Variants in OSBPL10 observed in about 807,000 individuals in gnomAD.
OSBPL10 encodes oxysterol-binding protein-related protein 10.
In OSBPL10, 49 loss-of-function variants were observed where a neutral mutation model predicts 81.7. The observed-to-expected ratio is 0.60, with a 90% confidence interval of 0.48 to 0.76. OSBPL10 has a LOEUF of 0.76. Among genes scored for constraint, OSBPL10 ranks in the 30% least tolerant of loss-of-function variants. OSBPL10 has a pLI of 0.00. For missense variants in OSBPL10, 923 were observed against 987.8 expected (o/e 0.93, Z 0.88); for synonymous variants, 419 against 383.6 (o/e 1.09, Z -1.08).
At chr3:31,895,076 C>T (rs1273505025) in intron 1 of OSBPL10, among the ~76,000 whole-genome samples, 1 of 151,748 alleles carries the variant, frequency 6.6e-6, no homozygotes. Context: ...GAAAAGCTAC[C>T]TCCAAACTGC....
intron 6 of OSBPL10, chr3:31,714,527 T>C (rs529291929): frequency 6.6e-6 from 1 of 152,438 alleles, no homozygotes; most frequent in African/African-American, 2.4e-5. Context: ...CTAAACACGA[T>C]GGGCAAATAG....
At chr3:31,851,595 G>C (rs59019249) in intron 3 of OSBPL10, among the ~76,000 whole-genome samples, 3,609 of 152,290 alleles carry the variant, frequency 0.024, 184 homozygotes, top group African/African-American at 0.082. Context: ...CAAACTTCAG[G>C]CTCAAGAGAA....
At chr3:31,671,469 A>G (rs1001828426) in intron 8 of OSBPL10, among the ~76,000 whole-genome samples, 13 of 152,114 alleles carry the variant, frequency 8.5e-5, no homozygotes. Flanking sequence ...GAGATGATAT[A>G]TATAGGTGTG....
chr3:31,835,781 T>C (rs901571851), intron 3 of OSBPL10, among the ~76,000 whole-genome samples: 2 of 152,230 alleles, frequency 1.3e-5, no homozygotes, highest in Admixed American at 6.5e-5. Flanking sequence ...TATCTAAATA[T>C]GTGAAAGCTA....
Position 32,016,049 on chromosome 3 carries a change from G to C in OSBPL10, n.298+30442C>G, listed in dbSNP as rs1026675965. ...GGAAGTCAGTGTGGTGATTCCTCAG[G>C]GATCTAGAACTAGAAATACCATTTG... is the stretch of plus-strand genomic sequence containing the variant. On this transcript the variant is annotated intron_variant and non_coding_transcript_variant, in intron 2 of 3. Transcript: ENST00000479173. 3.7e-4 allele frequency among the ~76,000 whole-genome samples: 56 copies of C among 152,080 alleles called. 1 individual carries two copies. The highest frequency in any genetic ancestry group is 6.6e-4 in the Non-Finnish European group (45 of 68,020).
chr3:31,827,370 C>T (rs1002630782), intron 4 of OSBPL10, among the ~76,000 whole-genome samples: 3 of 152,112 alleles, frequency 2.0e-5, no homozygotes, highest in Non-Finnish European at 4.4e-5. Context: ...GCCGCAGTGG[C>T]TCATGCCTGT....
chr3:32,008,442 C>T (rs1699224519), intron 2 of OSBPL10, among the ~76,000 whole-genome samples: 1 of 151,580 alleles, frequency 6.6e-6, no homozygotes, highest in South Asian at 2.1e-4. Context: ...TGTGAGCCAC[C>T]GCGTCCAGCC....
At chr3:31,807,374 A>AAAAT (rs536299438) in intron 4 of OSBPL10, among the ~76,000 whole-genome samples, 10,523 of 137,354 alleles carry the variant, frequency 0.077, 468 homozygotes, top group Non-Finnish European at 0.096. Flanking sequence ...CTGTCTCAGA[A>AAAAT]AAATAAATAA....
intron 1 of OSBPL10, among the ~76,000 whole-genome samples, chr3:31,912,298 G>T (rs1015227845): frequency 3.3e-5 from 5 of 151,654 alleles, no homozygotes; most frequent in Non-Finnish European, 4.4e-5. Flanking sequence ...GGAGGCTGAG[G>T]CAGGAGAATC....
At chr3:31,797,204 A>G (rs1354253317) in intron 4 of OSBPL10, among the ~76,000 whole-genome samples, 2 of 152,088 alleles carry the variant, frequency 1.3e-5, no homozygotes, top group East Asian at 3.9e-4. Context: ...ATGTTGGGTC[A>G]GGATGGTCTC....
chr3:31,777,850 T>A (rs745509293), intron 4 of OSBPL10, among the ~76,000 whole-genome samples: 9 of 152,230 alleles, frequency 5.9e-5, no homozygotes, highest in Admixed American at 2.0e-4. Flanking sequence ...AAGAGCCTTT[T>A]AGGCACTCCC....
At chr3:31,967,772 TA>T (rs915325404) in intron 1 of OSBPL10, among the ~76,000 whole-genome samples, 2 of 152,234 alleles carry the variant, frequency 1.3e-5, no homozygotes, top group East Asian at 3.8e-4. Context: ...TCATTGTAGT[TA>T]ATCTCTGGAA....
intron 10 of OSBPL10, among the ~76,000 whole-genome samples, chr3:31,667,888 A>T (rs1165739560): frequency 6.6e-6 from 1 of 152,262 alleles, no homozygotes; most frequent in African/African-American, 2.4e-5. Context: ...TTCCAAGGAG[A>T]TTCTGCTTCT....
At chr3:31,940,639 G>A (rs1277639081) in intron 1 of OSBPL10, among the ~76,000 whole-genome samples, 2 of 152,030 alleles carry the variant, frequency 1.3e-5, no homozygotes, top group African/African-American at 4.8e-5. Flanking sequence ...AGGCTACCCT[G>A]CTCTCATACT....
intron 3 of OSBPL10, among the ~76,000 whole-genome samples, chr3:31,844,296 G>A (rs560279688): frequency 6.6e-6 from 1 of 152,096 alleles, no homozygotes; most frequent in South Asian, 2.1e-4. Context: ...CAAAGACTGA[G>A]GAATAAGATT....
intron 1 of OSBPL10, among the ~76,000 whole-genome samples, chr3:31,932,613 TA>T (rs1309044679): frequency 1.3e-5 from 2 of 152,142 alleles, no homozygotes; most frequent in Non-Finnish European, 2.9e-5. Flanking sequence ...TCATTTTTTC[TA>T]CCTGAATAAT....
intron 2 of OSBPL10, among the ~76,000 whole-genome samples, chr3:32,024,086 C>G (rs1389401989): frequency 6.6e-6 from 1 of 152,170 alleles, no homozygotes; most frequent in Non-Finnish European, 1.5e-5. Context: ...ACCCTAATAT[C>G]ACACTGTCTT....
At chr3:31,738,432 T>G (rs1697253604) in intron 5 of OSBPL10, among the ~76,000 whole-genome samples, 1 of 150,252 alleles carries the variant, frequency 6.7e-6, no homozygotes, top group African/African-American at 2.4e-5. Flanking sequence ...CAACACTAAA[T>G]GCCAAAAGAT....
chr3:31,711,065 AGTAAGTTTCAGACT>A (rs1429621784), intron 6 of OSBPL10: 1 of 152,250 alleles, frequency 6.6e-6, no homozygotes, highest in African/African-American at 2.4e-5. Context: ...CCTGGAGACT[AGTAAGTTTCAGACT>A]GTAAGTTTCA....
Sources: allele counts gnomAD v4.1 joint callset (sites outside exome capture counted in the v4.1 genomes callset), GRCh38; gene constraint gnomAD v4.1.1; transcripts MANE v1.5; gene names NCBI Gene and HGNC (gene_info 2026-07-23, HGNC 2026-07-21).